SDK1: variants seen among roughly 807,000 people sequenced by gnomAD.
SDK1 encodes sidekick cell adhesion molecule 1, also known as protein sidekick-1.
In SDK1, 157 loss-of-function variants were observed where a neutral mutation model predicts 245.5. That is an observed-to-expected ratio of 0.64 (90% CI 0.56 to 0.73). SDK1 has a LOEUF of 0.73. Among genes scored for constraint, SDK1 ranks in the 30% least tolerant of loss-of-function variants. SDK1 has a pLI of 0.00. For synonymous variants in SDK1, 1,647 were observed against 1,278.5 expected (o/e 1.29, Z -6.15); for missense variants, 3,583 against 3,002.3 (o/e 1.19, Z -4.52).
intron 1 of SDK1, among the ~76,000 whole-genome samples, chr7:3,562,184 C>A (rs1203789347): frequency 6.6e-6 from 1 of 152,152 alleles, no homozygotes; most frequent in Non-Finnish European, 1.5e-5. Flanking sequence ...AAAAATGCTT[C>A]CAAGTGCAAG....
intron 4 of SDK1, among the ~76,000 whole-genome samples, chr7:3,782,460 C>A (rs1780775660): frequency 6.6e-6 from 1 of 152,148 alleles, no homozygotes; most frequent in Non-Finnish European, 1.5e-5. Context: ...AACCCAAGTA[C>A]AGGAAGCAGA....
rs1429639888 is a variant in SDK1, at chr7:4,113,452, G to A, written c.3585+13G>A. ...GCTTCGCTGGGTGGTGAGTGGGGGT[G>A]AGAAGGGAGGCTGGAGGCACACGGG... On this transcript the variant is annotated intron_variant, in intron 24 of 44. Transcript: ENST00000404826. The A allele has an allele frequency of 4.3e-6, 7 of 1,613,040 alleles. No homozygotes were observed. The highest frequency in any genetic ancestry group is 5.9e-6 in the Non-Finnish European group (7 of 1,179,804).
At chr7:3,406,843 T>C (rs1779067755) in intron 1 of SDK1, among the ~76,000 whole-genome samples, 1 of 152,156 alleles carries the variant, frequency 6.6e-6, no homozygotes, top group Admixed American at 6.6e-5. Flanking sequence ...GGAAGTTAAT[T>C]GAATCGAGGA....
intron 15 of SDK1, among the ~76,000 whole-genome samples, 180 bp downstream of exon 15, chr7:4,011,293 T>G (rs1583822069): frequency 6.6e-6 from 1 of 152,362 alleles, no homozygotes; most frequent in South Asian, 2.1e-4. Context: ...CCACGCAGAC[T>G]TAGCTGGGCC....
rs182174592 is a variant in SDK1, at chr7:4,129,577, G to A, written c.3940-331G>A. 285 of 895,526 alleles carry A rather than the reference G, an allele frequency of 3.2e-4. 2 individuals are homozygous for A. The African/African-American group carries it at 4.6e-3, about 15-fold the overall frequency. 55.5% of individuals were successfully genotyped at this position (895,526 alleles called of 1,614,324 possible). A position where few individuals can be genotyped will look rare whatever the true frequency, so the allele number is the denominator to read the frequency against. On this transcript the variant is annotated intron_variant, in intron 26 of 44. Coordinates refer to ENST00000404826, the MANE Select transcript of SDK1 (RefSeq NM_152744.4). ...CTCCTGTGGCAGGAAGCAGAGTGTT[G>A]TCTGTGTTCATAATCGAGTCTTTGT...
Position 4,245,745 on chromosome 7 carries a change from C to A in SDK1, c.6321C>A (p.Gly2107=). ...AGGACATCTGCAACAAGTACAACGG[C>A]GCCGTGCTGACCGAGAGCGTGAGCC... ...SDEDICNKYN[G]AVLTESVSLK... is the part of the protein sequence containing the mutation. The change falls in exon 44 of 45, where the codon GGC becomes GGA. Residue 2107 remains glycine, a synonymous_variant. Transcript: ENST00000404826. 1.9e-6 allele frequency: 3 copies of A among 1,614,034 alleles called. No homozygotes were observed. The highest frequency in any genetic ancestry group is 2.5e-6 in the Non-Finnish European group (3 of 1,179,976).
At chr7:3,612,597 T>A (rs1050770443) in intron 1 of SDK1, among the ~76,000 whole-genome samples, 1 of 152,200 alleles carries the variant, frequency 6.6e-6, no homozygotes, top group Non-Finnish European at 1.5e-5. Context: ...TCCCTGGAAT[T>A]TGAAAAATAA....
rs80324538 is a variant in SDK1, at chr7:3,682,654, C to T, written c.713+40549C>T. Among the ~76,000 whole-genome samples the T allele has an allele frequency of 7.4e-3, 762 of 103,050 alleles. 13 individuals carry two copies. The highest frequency in any genetic ancestry group is 0.057 in the Admixed American group (581 of 10,208). The allele number at this position is 103,050 out of a possible 152,430, so 67.6% of individuals were successfully genotyped here. A position where few individuals can be genotyped will look rare whatever the true frequency, so the allele number is the denominator to read the frequency against. On this transcript the variant is annotated intron_variant, in intron 4 of 44. Transcript: ENST00000404826. ...TTTTTACATCAGCTTCATAGAGCTG[C>T]CTGTTATACTCCAACCTGCTCTCCT...
rs370394053 is a variant in SDK1, at chr7:3,613,343, C to T, written c.299-5737C>T. On this transcript the variant is annotated intron_variant, in intron 1 of 44. Coordinates refer to ENST00000404826, the MANE Select transcript of SDK1 (RefSeq NM_152744.4). ...GATTATTCTCACATTGGAGAGGTAA[C>T]ATTAAATACATTTACATTGGATCTG... Among the ~76,000 whole-genome samples the T allele has an allele frequency of 2.6e-5, 4 of 152,242 alleles. 1 individual carries two copies. The East Asian group carries it at 5.8e-4, about 22-fold the overall frequency.
At chr7:4,028,388 C>T (rs17134195) in intron 17 of SDK1, among the ~76,000 whole-genome samples, 2,374 of 152,294 alleles carry the variant, frequency 0.016, 67 homozygotes, top group African/African-American at 0.055. Flanking sequence ...CAACAGTCCC[C>T]GTGAACCACA....
intron 4 of SDK1, among the ~76,000 whole-genome samples, chr7:3,656,582 A>G (rs1783191549): frequency 1.3e-5 from 2 of 152,126 alleles, no homozygotes; most frequent in Admixed American, 6.5e-5. Context: ...AGGGTCCTTA[A>G]GAGCTGCTTC....
At chr7:3,469,009 G>A (rs983639894) in intron 1 of SDK1, among the ~76,000 whole-genome samples, 4 of 152,144 alleles carry the variant, frequency 2.6e-5, no homozygotes, top group African/African-American at 9.7e-5. Flanking sequence ...TATTAACAAC[G>A]TGTTAGGCTT....
chr7:3,511,233 C>A (rs184320141), intron 1 of SDK1, among the ~76,000 whole-genome samples: 3 of 152,320 alleles, frequency 2.0e-5, no homozygotes, highest in Non-Finnish European at 2.9e-5. Flanking sequence ...TGGGTACTTA[C>A]AAGATAATTT....
chr7:4,056,153 A>T (rs1283308086), intron 19 of SDK1, among the ~76,000 whole-genome samples: 7 of 142,392 alleles, frequency 4.9e-5, no homozygotes, highest in African/African-American at 1.5e-4. Flanking sequence ...AATAATCTCA[A>T]TTTTTTTTTT....
intron 1 of SDK1, among the ~76,000 whole-genome samples, chr7:3,392,806 G>A (rs545413847): frequency 3.3e-5 from 5 of 151,772 alleles, no homozygotes; most frequent in African/African-American, 1.2e-4. Flanking sequence ...TCCTTTTTTG[G>A]CTGAATAATA....
At chr7:3,704,545 T>A (rs1055983764) in intron 4 of SDK1, among the ~76,000 whole-genome samples, 1 of 152,120 alleles carries the variant, frequency 6.6e-6, no homozygotes, top group African/African-American at 2.4e-5. Context: ...ATTTGTGGTT[T>A]TCTTACTGAT....
chr7:3,322,739 A>G lies in SDK1; in HGVS notation c.298+20855A>G, dbSNP rs183603282. On this transcript the variant is annotated intron_variant, in intron 1 of 44. Transcript: ENST00000404826. ...CTTCCTGGTTTCACATGCCACTTTC[A>G]GAATACTGGATTATGGTAATTGCAC... Among the ~76,000 whole-genome samples the G allele has an allele frequency of 1.3e-3, 204 of 152,260 alleles. 4 individuals carry two copies. The highest frequency in any genetic ancestry group is 4.8e-3 in the African/African-American group (198 of 41,538).
chr7:4,216,208 A>G, intron 38 of SDK1, among the ~76,000 whole-genome samples: 1 of 152,226 alleles, frequency 6.6e-6, no homozygotes, highest in East Asian at 1.9e-4. Flanking sequence ...CGACAACGCC[A>G]CACGATGGAG....
intron 17 of SDK1, among the ~76,000 whole-genome samples, chr7:4,035,209 T>C (rs1422610053): frequency 6.6e-6 from 1 of 152,090 alleles, no homozygotes; most frequent in Non-Finnish European, 1.5e-5. Flanking sequence ...GGTCTTGAAC[T>C]CCTGACCTCA....
Sources: allele counts gnomAD v4.1 joint callset (sites outside exome capture counted in the v4.1 genomes callset), GRCh38; gene constraint gnomAD v4.1.1; transcripts MANE v1.5; gene names NCBI Gene and HGNC (gene_info 2026-07-23, HGNC 2026-07-21).